SEC13: variants seen among roughly 807,000 people sequenced by gnomAD.
SEC13 encodes SEC13 homolog, nuclear pore and COPII component, also known as protein SEC13 homolog.
A neutral mutation model predicts 49.2 loss-of-function variants in SEC13; 25 were observed. That is an observed-to-expected ratio of 0.51 (90% CI 0.37 to 0.71). The LOEUF (loss-of-function observed/expected upper bound fraction) is 0.71. Among genes scored for constraint, SEC13 ranks in the 30% least tolerant of loss-of-function variants. The pLI is 0.00. For missense variants in SEC13, 383 were observed against 417.6 expected (o/e 0.92, Z 0.72); for synonymous variants, 148 against 163.9 (o/e 0.90, Z 0.74).
intron 2 of SEC13, among the ~76,000 whole-genome samples, 195 bp from the exon 3 acceptor site, chr3:10,315,631 A>G (rs890451060): frequency 6.6e-6 from 1 of 152,202 alleles, no homozygotes; most frequent in Non-Finnish European, 1.5e-5. Flanking sequence ...TCTCTCTGAA[A>G]TGGACAAAGC....
chr3:10,304,933 T>G, intron 7 of SEC13, 100 bp downstream of exon 7: 1 of 1,568,864 alleles, frequency 6.4e-7, no homozygotes, highest in Non-Finnish European at 8.7e-7. Flanking sequence ...CCTGTTGCTC[T>G]CCCTTTACCT....
chr3:10,305,243 G>A (rs1700798793), intron 6 of SEC13, 87 bp from the exon 7 acceptor site: 6 of 1,489,706 alleles, frequency 4.0e-6, no homozygotes, highest in Non-Finnish European at 5.4e-6. Context: ...GCCTGGGGTG[G>A]AGAAGCGATT....
intron 3 of SEC13, 162 bp from the exon 4 acceptor site, chr3:10,312,892 CAGTG>C: frequency 1.5e-6 from 1 of 649,628 alleles, no homozygotes; most frequent in South Asian, 2.1e-5. Context: ...GCTCAGTGGA[CAGTG>C]AGGAGCCTGA....
Position 10,304,049 on chromosome 3 carries a change from C to G in SEC13, c.832G>C (p.Ala278Pro). ...ACCTTATTGTCTCCACCAGAGACAG[C>G]CAGGATGTTGGCTGTGATGGACCAG... is the stretch of plus-strand genomic sequence containing the variant. ...VSWSITANIL[A>P]VSGGDNKVTL... The change falls in exon 8 of 9, where the codon GCT becomes CCT. Residue 278 changes from alanine (A) to proline (P), a missense_variant. By Grantham distance (27) the Ala-to-Pro change is conservative. Transcript: ENST00000350697. The G allele has an allele frequency of 6.2e-7, 1 of 1,614,156 alleles. No homozygotes were observed. Among genetic ancestry groups the G allele is most frequent in the Non-Finnish European group, 8.5e-7 (1 of 1,180,020 alleles).
chr3:10,305,187 G>T (rs771618699), intron 6 of SEC13, 31 bp from the exon 7 acceptor site: 1 of 1,586,082 alleles, frequency 6.3e-7, no homozygotes, highest in South Asian at 1.2e-5. Flanking sequence ...AGAATCAGCA[G>T]GGGGCCGTTC....
rs1394957301 is a variant in SEC13, at chr3:10,321,026, G to A, written c.3+24C>T. ...CGCGACCGTGGCCTTCACCCTGCTA[G>A]GCCTCCTCAGTACCAACACTCACCA... is the stretch of plus-strand genomic sequence containing the variant. On this transcript the variant is annotated intron_variant, in intron 1 of 8. Transcript: ENST00000350697. The surrounding 1 kb of genome is among the most constrained non-coding windows in gnomAD (Gnocchi z 4.1). The A allele has an allele frequency of 1.9e-6, 3 of 1,611,552 alleles. No individual in the cohort carries two copies. In the Admixed American group the frequency reaches 5.0e-5, roughly 27 times the overall value.
At position 10,312,205 on chromosome 3, in the gene SEC13, A is replaced by G; in HGVS notation, c.317-107T>C. 4 of 1,455,080 alleles carry G rather than the reference A, an allele frequency of 2.7e-6. No individual in the cohort carries two copies. In the South Asian group the frequency reaches 5.8e-5, roughly 21 times the overall value. The allele number at this position is 1,455,080 out of a possible 1,614,324, so 90.1% of individuals were successfully genotyped here. A position where few individuals can be genotyped will look rare whatever the true frequency, so the allele number is the denominator to read the frequency against. ...CTAAATGTCTACAACAAACAACTGTAGGAGTCACCGGGGGAAGCTGTAACT... is the reference window on the plus strand; with the variant it reads ...CTAAATGTCTACAACAAACAACTGTGGGAGTCACCGGGGGAAGCTGTAACT... On this transcript the variant is annotated intron_variant, in intron 4 of 8. Transcript: ENST00000350697.
intron 5 of SEC13, chr3:10,311,728 G>A: frequency 7.2e-7 from 1 of 1,382,212 alleles, no homozygotes; most frequent in East Asian, 2.8e-5. Flanking sequence ...GGCTGCTGCT[G>A]CACCAGCCCT....
At position 10,305,644 on chromosome 3, in the gene SEC13, G is replaced by A; in HGVS notation, c.499C>T (p.Leu167Phe). ...SWAPAVVPGS[L>F]IDHPSGQKPN... Reference sequence around the variant, plus strand: ...TTCTGCCCCGATGGGTGGTCTATGAGGCTTCCAGGTACAACAGCAGGGGCC... The same window carrying A: ...TTCTGCCCCGATGGGTGGTCTATGAAGCTTCCAGGTACAACAGCAGGGGCC... The change falls in exon 6 of 9, where the codon CTC (leucine) becomes TTC (phenylalanine). Residue 167 changes from leucine to phenylalanine, a missense_variant. Leu to Phe is a conservative substitution (Grantham distance 22, BLOSUM62 0). Coordinates refer to ENST00000350697, the MANE Select transcript of SEC13 (RefSeq NM_183352.3). 2 of 1,614,196 alleles carry A rather than the reference G, an allele frequency of 1.2e-6. No homozygotes were observed. Among genetic ancestry groups the A allele is most frequent in the South Asian group, 1.1e-5 (1 of 91,082 alleles).
chr3:10,320,914 C>G (rs1195637135), intron 1 of SEC13, 136 bp downstream of exon 1: 21 of 1,481,626 alleles, frequency 1.4e-5, no homozygotes, highest in Admixed American at 2.4e-5. Context: ...GGGGCCAGAG[C>G]CCCCCAAATC....
chr3:10,319,295 C>A (rs1440740872), intron 1 of SEC13: 6 of 1,592,986 alleles, frequency 3.8e-6, no homozygotes, highest in Middle Eastern at 1.7e-4. Flanking sequence ...TCTAGACTCT[C>A]TAAAAACCAG....
Position 10,321,082 on chromosome 3 carries a change from G to T in SEC13, c.-30C>A, listed in dbSNP as rs768221283. 1 of 1,612,584 alleles carries T rather than the reference G, an allele frequency of 6.2e-7. No individual in the cohort carries two copies. The highest frequency in any genetic ancestry group is 8.5e-7 in the Non-Finnish European group (1 of 1,179,616). ...GCGGCGGTGGCTGCTCCAGGTCTCG[G>T]ACGTGGCAGCTCCCGGCGGCGCCTC... is the stretch of plus-strand genomic sequence containing the variant. On this transcript the variant is annotated 5_prime_UTR_variant, in exon 1 of 9. Transcript: ENST00000350697. This position sits in a 1 kb window ranked among gnomAD's most constrained non-coding sequence, Gnocchi z 4.1.
intron 7 of SEC13, among the ~76,000 whole-genome samples, chr3:10,304,651 C>T (rs543615706): frequency 1.2e-4 from 18 of 152,182 alleles, no homozygotes; most frequent in Non-Finnish European, 1.9e-4. Context: ...CACCCTTGGC[C>T]GTCCTTGCTG....
chr3:10,305,459 G>C lies in SEC13; in HGVS notation c.584+100C>G, dbSNP rs1440624107. On this transcript the variant is annotated intron_variant, in intron 6 of 8. Transcript: ENST00000350697. Reference sequence around the variant, plus strand: ...GTATTTTACTGGCAGGAGGGAGAAAGAAAGGTGACCTTGTTTCTTGTGAGT... The same window carrying C: ...GTATTTTACTGGCAGGAGGGAGAAACAAAGGTGACCTTGTTTCTTGTGAGT... The C allele has an allele frequency of 2.1e-6, 3 of 1,445,702 alleles. No homozygotes were observed. In the East Asian group the frequency reaches 6.9e-5, roughly 33 times the overall value. The allele number at this position is 1,445,702 out of a possible 1,614,324, so 89.6% of individuals were successfully genotyped here.
Position 10,312,014 on chromosome 3 carries a change from T to G in SEC13, c.401A>C (p.Tyr134Ser). The change falls in exon 5 of 9, where the codon TAC becomes TCC. Residue 134 changes from tyrosine (Y) to serine (S), a missense_variant. Transcript: ENST00000350697. ...SSDGAISLLT[Y>S]TGEGQWEVKK... The stretch of plus-strand genomic sequence containing the variant: ...TACTTCCCATTGGCCTTCCCCGGTG[T>G]AAGTCAGCAGGGAGATGGCCCCATC... 6.2e-7 allele frequency: 1 copy of G among 1,614,072 alleles called. No homozygotes were observed. Among genetic ancestry groups the G allele is most frequent in the Non-Finnish European group, 8.5e-7 (1 of 1,180,010 alleles).
Position 10,305,829 on chromosome 3 carries a change from G to A in SEC13, c.451-137C>T, listed in dbSNP as rs59728658. 326 of 833,968 alleles carry A rather than the reference G, an allele frequency of 3.9e-4. 2 individuals carry two copies. In the African/African-American group the frequency reaches 5.1e-3, roughly 13 times the overall value. The allele number at this position is 833,968 out of a possible 1,614,324, so 51.7% of individuals were successfully genotyped here. On this transcript the variant is annotated intron_variant, in intron 5 of 8. Transcript: ENST00000350697. ...GGCTGACATGAAGCACTCATCATGG[G>A]GTCCACTGCTCAGAATTCTCCCTCA...
rs1299675725 is a variant in SEC13, at chr3:10,321,094, C to T, written c.-42G>A. ...GCTCCAGGTCTCGGACGTGGCAGCT[C>T]CCGGCGGCGCCTCGGAACAGCTCAC... On this transcript the variant is annotated 5_prime_UTR_variant, in exon 1 of 9. Coordinates refer to ENST00000350697, the MANE Select transcript of SEC13 (RefSeq NM_183352.3). The surrounding 1 kb of genome is among the most constrained non-coding windows in gnomAD (Gnocchi z 4.1). The T allele has an allele frequency of 1.2e-6, 2 of 1,612,086 alleles. No homozygotes were observed. Among genetic ancestry groups the T allele is most frequent in the Non-Finnish European group, 1.7e-6 (2 of 1,179,460 alleles).
At position 10,313,599 on chromosome 3, in the gene SEC13, C is replaced by T. The variant is rs534984653; in HGVS notation, c.165-869G>A. ...CACTCAAGTCTCCTCCTCCCTCTGG[C>T]TGGGACAACAGGACATTCCCAGTCC... On this transcript the variant is annotated intron_variant, in intron 3 of 8. Coordinates refer to ENST00000350697, the MANE Select transcript of SEC13 (RefSeq NM_183352.3). 39 of 270,996 alleles carry T rather than the reference C, an allele frequency of 1.4e-4. 1 individual carries two copies. Among genetic ancestry groups the T allele is most frequent in the South Asian group, 1.2e-3 (37 of 29,664 alleles). The allele number at this position is 270,996 out of a possible 1,614,324, so 16.8% of individuals were successfully genotyped here. A position where few individuals can be genotyped will look rare whatever the true frequency, so the allele number is the denominator to read the frequency against.
At position 10,301,391 on chromosome 3, in the gene SEC13, A is replaced by AAGCAGATT; in HGVS notation, c.856-25_856-18dup. On this transcript the variant is annotated splice_polypyrimidine_tract_variant and intron_variant, in intron 8 of 8. Coordinates refer to ENST00000350697, the MANE Select transcript of SEC13 (RefSeq NM_183352.3). ...CAGGGTCACCTGCGAGTCAGTGCAC[A>AAGCAGATT]AGCAGATTATCACGGGTCTGTGCCC... The AAGCAGATT allele has an allele frequency of 6.2e-7, 1 of 1,614,102 alleles. No homozygotes were observed. The highest frequency in any genetic ancestry group is 8.5e-7 in the Non-Finnish European group (1 of 1,180,026).
Sources: gnomAD v4.1 joint callset for allele counts (sites outside exome capture counted in the v4.1 genomes callset) on GRCh38, gnomAD v4.1.1 for gene constraint, Gnocchi (gnomAD v3.1) non-coding constraint, MANE v1.5 for transcripts, NCBI Gene and HGNC (gene_info 2026-07-23, HGNC 2026-07-21) for gene names.